KCP: variants seen among roughly 807,000 people sequenced by gnomAD.
KCP encodes kielin cysteine rich BMP regulator, also known as kielin/chordin-like protein.
KCP carries 194 observed loss-of-function variants against 212.7 expected under a neutral mutation model. The ratio of observed to expected loss-of-function variants is 0.91; its 90% CI spans 0.81 to 1.03. KCP has a LOEUF of 1.03. KCP is among the 50% of genes least tolerant of loss of function. The pLI, the probability that KCP is intolerant of heterozygous loss-of-function variation, is 0.00. For missense variants in KCP, 2,080 were observed against 2,162.5 expected (o/e 0.96, Z 0.76); for synonymous variants, 833 against 865.3 (o/e 0.96, Z 0.65).
At chr7:128,907,734 T>C (rs1398891801) in intron 2 of KCP, among the ~76,000 whole-genome samples, 1 of 152,192 alleles carries the variant, frequency 6.6e-6, no homozygotes, top group African/African-American at 2.4e-5. Flanking sequence ...TTATATAGAA[T>C]GCATTCCATA....
At chr7:128,893,163 G>A in intron 13 of KCP, 75 bp downstream of exon 13, 1 of 1,419,092 alleles carries the variant, frequency 7.0e-7, no homozygotes, top group Non-Finnish European at 9.7e-7. Flanking sequence ...ACCCCGTCCT[G>A]GGAAGGAGCA....
rs775211620 is a variant in KCP, at chr7:128,879,807, G to A, written c.3955C>T (p.Arg1319Trp). Reference sequence around the variant, plus strand: ...GTCCAGGCCACACCGCTCCGGCCCCGGTCATCATTGGTCACGTGCACACTG... The same window carrying A: ...GTCCAGGCCACACCGCTCCGGCCCCAGTCATCATTGGTCACGTGCACACTG... ...DFSVHVTNDD[R>W]GRSGVAWTQE... Residue 1319 changes from arginine to tryptophan, a missense_variant, in exon 36 of 40, where the codon CGG (arginine) becomes TGG (tryptophan). Physicochemically the swap from Arg to Trp is moderately radical, Grantham distance 101 (BLOSUM62 -3). Transcript: ENST00000610776. 56 of 1,550,834 alleles carry A rather than the reference G, an allele frequency of 3.6e-5. No homozygotes were observed. Among genetic ancestry groups the A allele is most frequent in the Admixed American group, 9.8e-5 (5 of 50,992 alleles).
intron 22 of KCP, among the ~76,000 whole-genome samples, chr7:128,888,021 CCACA>C (rs764393627): frequency 6.8e-5 from 9 of 131,596 alleles, no homozygotes; most frequent in Admixed American, 3.7e-4. Context: ...CCACACACAG[CCACA>C]CACACACATA....
intron 16 of KCP, 96 bp downstream of exon 16, chr7:128,892,418 G>C (rs534080472): frequency 1.2e-6 from 1 of 863,448 alleles, no homozygotes; most frequent in African/African-American, 1.7e-5. Flanking sequence ...AATTCAGAAG[G>C]CCATTGCTTT....
At chr7:128,895,341 T>A (rs898876976) in intron 8 of KCP, among the ~76,000 whole-genome samples, 1 of 152,164 alleles carries the variant, frequency 6.6e-6, no homozygotes, top group African/African-American at 2.4e-5. Flanking sequence ...TGGTGTGGCA[T>A]CTACCTCTAG....
At chr7:128,877,824 C>T (rs965287845) in intron 38 of KCP, 34 bp from the exon 39 acceptor site, 1 of 1,516,402 alleles carries the variant, frequency 6.6e-7, no homozygotes, top group East Asian at 2.5e-5. Flanking sequence ...CGTGACAGCA[C>T]CACTGGCAGC....
At position 128,880,461 on chromosome 7, in the gene KCP, G is replaced by A. The variant is rs528379010; in HGVS notation, c.3684C>T (p.Thr1228=). Residue 1228 remains threonine (T), a synonymous_variant, in exon 34 of 40, where the codon ACC becomes ACT. Transcript: ENST00000610776. ...CCGCCATGCAGGAGCAGCTGGTGCAGGTGTCCACAGTCCAGCGCTCTCCAG... is the reference window on the plus strand; with the variant it reads ...CCGCCATGCAGGAGCAGCTGGTGCAAGTGTCCACAGTCCAGCGCTCTCCAG... The part of the protein sequence containing the change: ...VASGERWTVD[T]CTSCSCMAGT... 51 of 1,547,356 alleles carry A rather than the reference G, an allele frequency of 3.3e-5. No individual in the cohort carries two copies. The African/African-American group carries it at 5.6e-4, about 17-fold the overall frequency.
At chr7:128,890,798 C>T (rs1056560902) in intron 20 of KCP, 107 bp downstream of exon 20, 9 of 1,001,630 alleles carry the variant, frequency 9.0e-6, no homozygotes, top group Non-Finnish European at 1.2e-5. Context: ...ACAAGATCCC[C>T]GACGTGGGCG....
chr7:128,894,197 C>A lies in KCP; in HGVS notation c.925+3G>T. ...CAGGCCTCTGCCCTACCCACTGACT[C>A]ACCATCACACACAGGGCAGCAGGTG... On this transcript the variant is annotated splice_donor_region_variant and intron_variant, in intron 9 of 39. Coordinates refer to ENST00000610776, the MANE Select transcript of KCP (RefSeq NM_001366122.1). The A allele has an allele frequency of 6.6e-7, 1 of 1,522,280 alleles. No homozygotes were observed. The highest frequency in any genetic ancestry group is 1.2e-5 in the South Asian group (1 of 80,240). The allele number at this position is 1,522,280 out of a possible 1,614,324, so 94.3% of individuals were successfully genotyped here. A position where few individuals can be genotyped will look rare whatever the true frequency, so the allele number is the denominator to read the frequency against.
rs1455066675 is a variant in KCP at position 128,894,279 on chromosome 7, C to G, written c.846G>C (p.Gln282His). The change falls in exon 9 of 40, where the codon CAG (glutamine) becomes CAC (histidine). Residue 282 changes from glutamine to histidine, a missense_variant. Transcript: ENST00000610776. ...RICRCLEGHIQCRQRECASLC... is the reference protein window; with the variant it reads ...RICRCLEGHIHCRQRECASLC... ...GGCTGGCACATTCTCGCTGGCGGCACTGGATGTGACCCTCCTGGTGGGGAG... is the reference window on the plus strand; with the variant it reads ...GGCTGGCACATTCTCGCTGGCGGCAGTGGATGTGACCCTCCTGGTGGGGAG... 10 of 1,541,568 alleles carry G rather than the reference C, an allele frequency of 6.5e-6. No individual in the cohort carries two copies. Among genetic ancestry groups the G allele is most frequent in the Admixed American group, 2.0e-5 (1 of 50,420 alleles).
intron 8 of KCP, among the ~76,000 whole-genome samples, chr7:128,896,889 CAAAA>C (rs35522047): frequency 3.4e-5 from 2 of 58,076 alleles, no homozygotes; most frequent in Non-Finnish European, 3.2e-5. Context: ...GACTCCATCT[CAAAA>C]AAAAAAAAAA....
chr7:128,892,465 G>A, intron 16 of KCP, 49 bp downstream of exon 16: 1 of 1,350,072 alleles, frequency 7.4e-7, no homozygotes, highest in Non-Finnish European at 1.0e-6. Context: ...CTGTGGGACA[G>A]CAGCCTCTGG....
intron 8 of KCP, among the ~76,000 whole-genome samples, chr7:128,901,862 C>T (rs1489335522): frequency 2.6e-5 from 4 of 152,254 alleles, no homozygotes; most frequent in South Asian, 4.1e-4. Flanking sequence ...CTGGCCTTCA[C>T]GGCTTACATG....
rs899901389 is a variant in KCP at position 128,877,621 on chromosome 7, G to A, written c.4481C>T (p.Ala1494Val). 3.9e-6 allele frequency: 6 copies of A among 1,551,568 alleles called. No individual in the cohort carries two copies. In the African/African-American group the frequency reaches 5.5e-5, roughly 14 times the overall value. ...GGCACACAGGTCATACACACAGGCG[G>A]CAAAGAAGGGCTCCGGTGGCACCAC... ...HAVVPPEPFF[A>V]ACVYDLCACG... The change falls in exon 39 of 40, where the codon GCC (alanine) becomes GTC (valine). Residue 1494 changes from alanine to valine, a missense_variant. Physicochemically the swap from Ala to Val is moderately conservative, Grantham distance 64 (BLOSUM62 0). Coordinates refer to ENST00000610776, the MANE Select transcript of KCP (RefSeq NM_001366122.1).
intron 29 of KCP, 104 bp from the exon 30 acceptor site, chr7:128,882,120 C>T: frequency 2.6e-6 from 2 of 763,922 alleles, no homozygotes; most frequent in Non-Finnish European, 4.4e-6. Context: ...ACTCGAACTC[C>T]TGAGCATACC....
At position 128,887,981 on chromosome 7, in the gene KCP, CCACA is replaced by C. The variant is rs765698541; in HGVS notation, c.2513-685_2513-682del. Among the ~76,000 whole-genome samples, 89 of 136,998 alleles carry C rather than the reference CCACA, an allele frequency of 6.5e-4. 2 individuals carry two copies. Among genetic ancestry groups the C allele is most frequent in the African/African-American group, 1.7e-3 (61 of 36,778 alleles). The allele number at this position is 136,998 out of a possible 152,430, so 89.9% of individuals were successfully genotyped here. ...CCCACATACACAGATGCACACACAC[CCACA>C]CACAGAGACCCCCCCACATACACAC... On this transcript the variant is annotated intron_variant, in intron 22 of 39. Coordinates refer to ENST00000610776, the MANE Select transcript of KCP (RefSeq NM_001366122.1).
chr7:128,902,146 C>T (rs1193197964), intron 8 of KCP, among the ~76,000 whole-genome samples: 1 of 152,216 alleles, frequency 6.6e-6, no homozygotes, highest in Non-Finnish European at 1.5e-5. Flanking sequence ...CCTCCTGCCT[C>T]AGCCTCCCAA....
rs1188153668 is a variant in KCP, at chr7:128,910,620, C to T, written c.57G>A (p.Ala19=). 6.6e-7 allele frequency: 1 copy of T among 1,515,198 alleles called. No individual in the cohort carries two copies. 93.9% of individuals were successfully genotyped at this position (1,515,198 alleles called of 1,614,324 possible). A position where few individuals can be genotyped will look rare whatever the true frequency, so the allele number is the denominator to read the frequency against. The change falls in exon 1 of 40, where the codon GCG becomes GCA. Residue 19 remains alanine (A), a synonymous_variant. Coordinates refer to ENST00000610776, the MANE Select transcript of KCP (RefSeq NM_001366122.1). ...ACTCACCTTCCGCGCCCGCGGCCAGCGCCAGGGCCCCGAGGTGCAGGAGAA... is the reference window on the plus strand; with the variant it reads ...ACTCACCTTCCGCGCCCGCGGCCAGTGCCAGGGCCCCGAGGTGCAGGAGAA... ...LSLLLHLGAL[A]LAAGAEGGAV... is the part of the protein sequence containing the mutation.
intron 8 of KCP, among the ~76,000 whole-genome samples, chr7:128,898,387 G>A (rs1048105484): frequency 6.6e-6 from 1 of 152,110 alleles, no homozygotes; most frequent in Non-Finnish European, 1.5e-5. Context: ...CAACTTGCCT[G>A]CTTTACAGTT....
Sources: gnomAD v4.1 joint callset for allele counts (sites outside exome capture counted in the v4.1 genomes callset) on GRCh38, gnomAD v4.1.1 for gene constraint, MANE v1.5 for transcripts, NCBI Gene and HGNC (gene_info 2026-07-23, HGNC 2026-07-21) for gene names.